Variants in ERI1 observed in about 807,000 individuals in gnomAD.
ERI1 encodes 3'-5' exoribonuclease 1.
A neutral mutation model predicts 39.7 loss-of-function variants in ERI1; 39 were observed. The observed-to-expected ratio is 0.98, with a 90% confidence interval of 0.76 to 1.28. The LOEUF (loss-of-function observed/expected upper bound fraction) is 1.28. Ranked by LOEUF, ERI1 falls within the 50% of genes most tolerant of loss-of-function variation. ERI1 has a pLI of 0.00. For synonymous variants in ERI1, 204 were observed against 149.6 expected, an observed-to-expected ratio of 1.36 and a Z score of -2.65; for missense variants, 581 against 416.9, an observed-to-expected ratio of 1.39 and a Z score of -3.43.
At chr8:9,054,815 C>A (rs879908704) in intron 3 of ERI1, among the ~76,000 whole-genome samples, 1 of 152,196 alleles carries the variant, frequency 6.6e-6, no homozygotes, top group Non-Finnish European at 1.5e-5. Context: ...GTAATCCCAG[C>A]TAGTCAGGAG....
rs373411914 is a variant in ERI1, at chr8:9,033,302, G to A, written c.*3268G>A. The A allele has an allele frequency of 1.3e-5, 2 of 152,104 alleles. No individual in the cohort carries two copies. Among genetic ancestry groups the A allele is most frequent in the Non-Finnish European group, 2.9e-5 (2 of 68,024 alleles). 9.4% of individuals were successfully genotyped at this position (152,104 alleles called of 1,614,324 possible). A position where few individuals can be genotyped will look rare whatever the true frequency, so the allele number is the denominator to read the frequency against. On this transcript the variant is annotated 3_prime_UTR_variant, in exon 7 of 7. Coordinates refer to ENST00000250263, the MANE Select transcript of ERI1 (RefSeq NM_153332.4). ...ATATTTTGTATAATACGAAAATTAC[G>A]AAATTTTAGTTTCTCTAAATAAAGT...
In ERI1 at chr8:9,030,959, A is replaced by G. The variant is rs1277744462; in HGVS notation, c.*925A>G. 2.6e-5 allele frequency: 4 copies of G among 152,236 alleles called. No homozygotes were observed. Among genetic ancestry groups the G allele is most frequent in the East Asian group, 1.9e-4 (1 of 5,204 alleles). 9.4% of individuals were successfully genotyped at this position (152,236 alleles called of 1,614,324 possible). ...CATTGGCCACTAGTGAAGTTAGTCA[A>G]TAAAAGACTTGTTTTTCTGATTTTA... On this transcript the variant is annotated 3_prime_UTR_variant, in exon 7 of 7. Transcript: ENST00000250263.
intron 3 of ERI1, among the ~76,000 whole-genome samples, chr8:9,059,473 G>A (rs559719750): frequency 2.1e-4 from 32 of 152,244 alleles, no homozygotes; most frequent in African/African-American, 7.7e-4. Flanking sequence ...GAATGGGAGA[G>A]AGAAGCTGAA....
chr8:9,089,899 G>C (rs991898247), intron 3 of ERI1, among the ~76,000 whole-genome samples: 5 of 151,706 alleles, frequency 3.3e-5, no homozygotes, highest in African/African-American at 1.2e-4. Flanking sequence ...AGGAGGATGT[G>C]AATGTGAACA....
chr8:9,092,380 C>T (rs1163095959), intron 3 of ERI1, among the ~76,000 whole-genome samples: 1 of 152,262 alleles, frequency 6.6e-6, no homozygotes, highest in South Asian at 2.1e-4. Context: ...CCCGTCTACA[C>T]CATTGCACAC....
At chr8:9,075,654 C>T (rs1005656539) in intron 3 of ERI1, among the ~76,000 whole-genome samples, 3 of 152,180 alleles carry the variant, frequency 2.0e-5, no homozygotes, top group Admixed American at 2.0e-4. Context: ...AGAATCCCCA[C>T]GGTGTGCACA....
At chr8:9,020,652 CTTTA>C (rs1475056778) in intron 6 of ERI1, among the ~76,000 whole-genome samples, 188 bp downstream of exon 6, 1 of 152,112 alleles carries the variant, frequency 6.6e-6, no homozygotes, top group Non-Finnish European at 1.5e-5. Context: ...AACCTGTTAA[CTTTA>C]TTTAAGTAGG....
chr8:9,038,618 G>A lies in ERI1; in HGVS notation n.299+18154G>A, dbSNP rs768703885. ...CAAAAAATTCAAAACTTAGCTGGGC[G>A]TGGTGGCACAAGCCTGTAGTCCCAT... is the stretch of plus-strand genomic sequence containing the variant. On this transcript the variant is annotated intron_variant and non_coding_transcript_variant, in intron 3 of 3. Transcript: ENST00000518663. Among the ~76,000 whole-genome samples the A allele has an allele frequency of 4.4e-4, 67 of 152,204 alleles. 1 individual carries two copies. Among genetic ancestry groups the A allele is most frequent in the African/African-American group, 7.9e-4 (33 of 41,536 alleles).
chr8:9,045,252 A>G (rs1798140104), intron 3 of ERI1, among the ~76,000 whole-genome samples: 1 of 151,466 alleles, frequency 6.6e-6, no homozygotes, highest in South Asian at 2.1e-4. Context: ...AAAAAAAAAA[A>G]AAAAAGTAGT....
chr8:9,002,944 C>G lies in ERI1; in HGVS notation c.-120C>G. 5 of 720,598 alleles carry G rather than the reference C, an allele frequency of 6.9e-6. No homozygotes were observed. The highest frequency in any genetic ancestry group is 9.6e-6 in the Non-Finnish European group (5 of 520,032). 44.6% of individuals were successfully genotyped at this position (720,598 alleles called of 1,614,324 possible). On this transcript the variant is annotated 5_prime_UTR_variant, in exon 1 of 7. Coordinates refer to ENST00000250263, the MANE Select transcript of ERI1 (RefSeq NM_153332.4). The stretch of plus-strand genomic sequence containing the variant: ...TGGCCGCTGGAGTTTGTGTGGCCGC[C>G]GCCGCGGGAACGCGAGCCCGGTAAT...
rs577806445 is a variant in ERI1, at chr8:9,057,815, G to C, written n.299+37351G>C. On this transcript the variant is annotated intron_variant and non_coding_transcript_variant, in intron 3 of 3. Coordinates refer to the ERI1 transcript ENST00000518663. ...TAAAGTGTGGTCAGGACAGAGCCCA[G>C]CAAGGAGGTGAGAGAGCCTTGGGAG... 7.9e-5 allele frequency among the ~76,000 whole-genome samples: 12 copies of C among 152,336 alleles called. No homozygotes were observed. In the East Asian group the frequency reaches 2.3e-3, roughly 29 times the overall value.
intron 3 of ERI1, among the ~76,000 whole-genome samples, chr8:9,089,328 C>G (rs1247548937): frequency 2.0e-5 from 3 of 152,170 alleles, no homozygotes; most frequent in Non-Finnish European, 2.9e-5. Flanking sequence ...TGGTCTTGAA[C>G]TACTGGCTTC....
chr8:9,044,508 C>G (rs1254583859), intron 3 of ERI1, among the ~76,000 whole-genome samples: 2 of 152,076 alleles, frequency 1.3e-5, no homozygotes, highest in Non-Finnish European at 2.9e-5. Flanking sequence ...AACTACCCAT[C>G]ATCAACTGGA....
intron 3 of ERI1, among the ~76,000 whole-genome samples, chr8:9,062,138 G>A (rs1028877678): frequency 2.6e-5 from 4 of 152,130 alleles, no homozygotes; most frequent in Admixed American, 1.3e-4. Context: ...TAGCAGGTGA[G>A]GGAAAACAGG....
At position 9,032,752 on chromosome 8, in the gene ERI1, C is replaced by G. The variant is rs903162579; in HGVS notation, c.*2718C>G. On this transcript the variant is annotated 3_prime_UTR_variant, in exon 7 of 7. Coordinates refer to ENST00000250263, the MANE Select transcript of ERI1 (RefSeq NM_153332.4). The stretch of plus-strand genomic sequence containing the variant: ...AATAATTTGGAGACCAGGAGAAAAA[C>G]TGGTATGATTACTGGGGAGGGGAAG... 3.9e-5 allele frequency: 6 copies of G among 152,134 alleles called. No individual in the cohort carries two copies. The highest frequency in any genetic ancestry group is 1.9e-4 in the East Asian group (1 of 5,200). 9.4% of individuals were successfully genotyped at this position (152,134 alleles called of 1,614,324 possible).
chr8:9,023,753 A>G (rs1380038723), intron 6 of ERI1, among the ~76,000 whole-genome samples: 1 of 141,914 alleles, frequency 7.0e-6, no homozygotes, highest in African/African-American at 2.6e-5. Context: ...GGTATATTAT[A>G]TGGTATGTCT....
chr8:9,075,633 G>C (rs1467339017), intron 3 of ERI1, among the ~76,000 whole-genome samples: 1 of 152,056 alleles, frequency 6.6e-6, no homozygotes, highest in Non-Finnish European at 1.5e-5. Context: ...GGGGGCTTAG[G>C]AAAGCCACAA....
chr8:9,051,019 T>C (rs1415433889), intron 3 of ERI1, among the ~76,000 whole-genome samples: 2 of 152,180 alleles, frequency 1.3e-5, no homozygotes, highest in Non-Finnish European at 2.9e-5. Flanking sequence ...AGATTCTTTA[T>C]TCTGGACTTT....
intron 3 of ERI1, among the ~76,000 whole-genome samples, chr8:9,053,673 C>T (rs1326337350): frequency 1.3e-5 from 2 of 152,136 alleles, no homozygotes; most frequent in Non-Finnish European, 2.9e-5. Flanking sequence ...GCCTGGGGAC[C>T]CCACTGGCCC....
Sources: gnomAD v4.1 joint callset for allele counts (sites outside exome capture counted in the v4.1 genomes callset) on GRCh38, gnomAD v4.1.1 for gene constraint, MANE v1.5 for transcripts, NCBI Gene and HGNC (gene_info 2026-07-23, HGNC 2026-07-21) for gene names.